The following AGL variants were observed in gnomAD, a reference collection of about 807,000 sequenced individuals.
AGL encodes the protein amylo-alpha-1,6-glucosidase and 4-alpha-glucanotransferase.
In AGL, 128 loss-of-function variants were observed where a neutral mutation model predicts 199.3. That is an observed-to-expected ratio of 0.64 (90% CI 0.56 to 0.74). AGL has a LOEUF of 0.74. Among genes scored for constraint, AGL ranks in the 30% least tolerant of loss-of-function variants. The pLI is 0.00. For synonymous variants in AGL, 584 were observed against 594.7 expected, an observed-to-expected ratio of 0.98 and a Z score of 0.26; for missense variants, 1,809 against 1,820.8, an observed-to-expected ratio of 0.99 and a Z score of 0.12.
In AGL at chr1:99,870,896, T is replaced by C. The variant is rs758361218; in HGVS notation, c.958+27T>C. Reference sequence around the variant, plus strand: ...TAAAGGATACATACTAGAATGTTCCTATCGATTTTAAGAAATGTAATATTA... The same window carrying C: ...TAAAGGATACATACTAGAATGTTCCCATCGATTTTAAGAAATGTAATATTA... On this transcript the variant is annotated intron_variant, in intron 7 of 33. Coordinates refer to ENST00000361915, the MANE Select transcript of AGL (RefSeq NM_000642.3). 6.7e-6 allele frequency: 9 copies of C among 1,352,082 alleles called. No homozygotes were observed. The South Asian group carries it at 9.6e-5, about 14-fold the overall frequency. The allele number at this position is 1,352,082 out of a possible 1,614,324, so 83.8% of individuals were successfully genotyped here.
At chr1:99,880,970 C>T (rs570783457) in intron 14 of AGL, 106 bp from the exon 15 acceptor site, 2 of 1,226,740 alleles carry the variant, frequency 1.6e-6, no homozygotes, top group East Asian at 5.0e-5. Context: ...ATTAATTTAC[C>T]TTATGAATTT....
chr1:99,881,081 A>G lies in AGL; in HGVS notation c.1905A>G (p.Arg635=), dbSNP rs1268987333. The G allele has an allele frequency of 1.2e-6, 2 of 1,613,476 alleles. No individual in the cohort carries two copies. The highest frequency in any genetic ancestry group is 2.2e-5 in the South Asian group (2 of 91,066). Residue 635 remains arginine (R), a synonymous_variant, in exon 15 of 34, where the codon AGA becomes AGG. Transcript: ENST00000361915. ...THDNECPIVH[R]SAYDALPSTT... ...TTGTTGTTGTTGTCTTCTAGCATAGATCAGCGTATGATGCTCTTCCAAGTA... is the reference window on the plus strand; with the variant it reads ...TTGTTGTTGTTGTCTTCTAGCATAGGTCAGCGTATGATGCTCTTCCAAGTA...
At chr1:99,857,629 G>A (rs1171367557) in intron 2 of AGL, among the ~76,000 whole-genome samples, 1 of 151,628 alleles carries the variant, frequency 6.6e-6, no homozygotes, top group Non-Finnish European at 1.5e-5. Flanking sequence ...GGCCAACACA[G>A]CGAAACCCCG....
At chr1:99,891,788 T>C (rs1255500292) in intron 23 of AGL, 49 bp downstream of exon 23, 1 of 1,600,478 alleles carries the variant, frequency 6.2e-7, no homozygotes, top group South Asian at 1.1e-5. Flanking sequence ...GTTGAAACTA[T>C]ATACAGAGTC....
intron 5 of AGL, among the ~76,000 whole-genome samples, chr1:99,865,943 C>A (rs1216285210): frequency 6.6e-6 from 1 of 152,112 alleles, no homozygotes. Context: ...CTTCATAATA[C>A]CTAAGAACTC....
intron 4 of AGL, among the ~76,000 whole-genome samples, chr1:99,862,814 C>T (rs956891084): frequency 6.6e-6 from 1 of 152,182 alleles, no homozygotes; most frequent in Non-Finnish European, 1.5e-5. Flanking sequence ...CCAGGCCCCT[C>T]CTCCAACATC....
In AGL at chr1:99,870,557, G is replaced by T. The variant is rs759516802; in HGVS notation, c.822G>T (p.Leu274Phe). The T allele has an allele frequency of 6.2e-7, 1 of 1,613,978 alleles. No individual in the cohort carries two copies. The highest frequency in any genetic ancestry group is 8.5e-7 in the Non-Finnish European group (1 of 1,179,954). ...ACAAAGAAAAGGGAATACCTGCTTT[G>T]ATTGAAAATGATCACCATATGAATG... ...GKYKEKGIPA[L>F]IENDHHMNSI... is the part of the protein sequence containing the mutation. The change falls in exon 6 of 34, where the codon TTG becomes TTT. Residue 274 changes from leucine (L) to phenylalanine (F), a missense_variant. Physicochemically the swap from Leu to Phe is conservative, Grantham distance 22. Transcript: ENST00000361915.
At chr1:99,872,184 T>C (rs2101117903) in intron 7 of AGL, among the ~76,000 whole-genome samples, 1 of 152,326 alleles carries the variant, frequency 6.6e-6, no homozygotes, top group African/African-American at 2.4e-5. Context: ...CATTTTTCAT[T>C]CATTCATTCA....
At chr1:99,861,083 C>T in intron 2 of AGL, 1 of 660,170 alleles carries the variant, frequency 1.5e-6, no homozygotes, top group Non-Finnish European at 2.0e-6. Context: ...CACATACTTT[C>T]TGACACCATA....
At chr1:99,920,877 A>G (rs1655469801) in intron 33 of AGL, among the ~76,000 whole-genome samples, 1 of 152,160 alleles carries the variant, frequency 6.6e-6, no homozygotes, top group African/African-American at 2.4e-5. Flanking sequence ...TGCTAACATC[A>G]CTGTGTTCTG....
rs1200676059 is a variant in AGL, at chr1:99,881,321, C to T, written c.2031C>T (p.Tyr677=). 2 of 1,614,084 alleles carry T rather than the reference C, an allele frequency of 1.2e-6. No individual in the cohort carries two copies. The highest frequency in any genetic ancestry group is 1.7e-5 in the Admixed American group (1 of 60,012). The stretch of plus-strand genomic sequence containing the variant: ...CAGTGGTTTCTGAAGAACGGTTTTA[C>T]ACTAAGTGGAATCCTGAAGCATTGC... ...QISVVSEERF[Y]TKWNPEALPS... The change falls in exon 16 of 34, where the codon TAC becomes TAT. Residue 677 remains tyrosine, a synonymous_variant. Transcript: ENST00000361915.
chr1:99,916,061 AT>A (rs1418974795), intron 31 of AGL, among the ~76,000 whole-genome samples: 2 of 152,132 alleles, frequency 1.3e-5, no homozygotes, highest in Non-Finnish European at 2.9e-5. Context: ...TTCTATATAT[AT>A]TTCAATTATT....
chr1:99,894,475 A>T (rs1207363130), intron 24 of AGL, among the ~76,000 whole-genome samples: 1 of 152,198 alleles, frequency 6.6e-6, no homozygotes, highest in Non-Finnish European at 1.5e-5. Context: ...AGAGTGCTAT[A>T]TATATGTTAG....
intron 2 of AGL, chr1:99,852,558 T>TTTTTAA: frequency 6.6e-6 from 4 of 603,430 alleles, no homozygotes; most frequent in Admixed American, 3.0e-5. Context: ...TTTTTTTTTG[T>TTTTTAA]AGAAACTGGG....
intron 2 of AGL, among the ~76,000 whole-genome samples, chr1:99,856,309 TCC>T (rs1649419005): frequency 1.4e-4 from 2 of 13,894 alleles, no homozygotes; most frequent in Non-Finnish European, 2.5e-4. Flanking sequence ...CCTTCCTTCC[TCC>T]CTCCCTCCCT....
At position 99,907,355 on chromosome 1, in the gene AGL, C is replaced by T. The variant is rs191374473; in HGVS notation, c.3701-3357C>T. Among the ~76,000 whole-genome samples, 749 of 152,158 alleles carry T rather than the reference C, an allele frequency of 4.9e-3. 4 individuals carry two copies. Among genetic ancestry groups the T allele is most frequent in the Non-Finnish European group, 8.3e-3 (562 of 67,970 alleles). On this transcript the variant is annotated intron_variant, in intron 27 of 33. Coordinates refer to ENST00000361915, the MANE Select transcript of AGL (RefSeq NM_000642.3). Reference sequence around the variant, plus strand: ...ACATTTTGTGTTTCCATTCATTTGTCAATGGACATTTGGGTTTTTTCCACC... The same window carrying T: ...ACATTTTGTGTTTCCATTCATTTGTTAATGGACATTTGGGTTTTTTCCACC...
chr1:99,898,306 A>G (rs1197292209), intron 25 of AGL, among the ~76,000 whole-genome samples: 1 of 152,162 alleles, frequency 6.6e-6, no homozygotes, highest in Non-Finnish European at 1.5e-5. Flanking sequence ...TCATCCTCCC[A>G]AAGTGCTGGG....
intron 33 of AGL, among the ~76,000 whole-genome samples, chr1:99,920,284 C>G (rs916594826): frequency 1.1e-4 from 16 of 152,182 alleles, no homozygotes; most frequent in Non-Finnish European, 1.6e-4. Flanking sequence ...GCCATGCTCC[C>G]TCTGAAGGCA....
At chr1:99,910,477 G>A (rs1328661864) in intron 27 of AGL, among the ~76,000 whole-genome samples, 1 of 152,204 alleles carries the variant, frequency 6.6e-6, no homozygotes. Context: ...GTGCACATAA[G>A]TAAGGGTTTC....
Sources: allele counts gnomAD v4.1 joint callset (sites outside exome capture counted in the v4.1 genomes callset), GRCh38; gene constraint gnomAD v4.1.1; transcripts MANE v1.5; gene names NCBI Gene and HGNC (gene_info 2026-07-23, HGNC 2026-07-21).